NNMT: variants seen among roughly 807,000 people sequenced by gnomAD.
The protein encoded by NNMT is nicotinamide N-methyltransferase.
A neutral mutation model predicts 11.7 loss-of-function variants in NNMT; 10 were observed. That is an observed-to-expected ratio of 0.85 (90% CI 0.53 to 1.45). NNMT has a LOEUF of 1.45. Among genes scored for constraint, NNMT ranks in the 40% most tolerant of loss-of-function variants. The pLI is 0.00. For synonymous variants in NNMT, 143 were observed against 133.8 expected (o/e 1.07, Z -0.48); for missense variants, 381 against 319.4 (o/e 1.19, Z -1.47).
At chr11:114,289,001 A>G (rs187847762) in intron 2 of NNMT, among the ~76,000 whole-genome samples, 1 of 152,262 alleles carries the variant, frequency 6.6e-6, no homozygotes, top group East Asian at 1.9e-4. Context: ...GATTAGAATT[A>G]TTGATTACTT....
intron 1 of NNMT, among the ~76,000 whole-genome samples, chr11:114,259,123 T>A (rs940162089): frequency 6.6e-6 from 1 of 152,238 alleles, no homozygotes; most frequent in Non-Finnish European, 1.5e-5. Context: ...TATCTTTGTG[T>A]TTCCAGAGCT....
chr11:114,287,400 C>T (rs1435350229), intron 2 of NNMT, among the ~76,000 whole-genome samples: 3 of 152,052 alleles, frequency 2.0e-5, no homozygotes, highest in Non-Finnish European at 1.5e-5. Flanking sequence ...TTTTAATCTG[C>T]CTGAATTGTT....
intron 2 of NNMT, among the ~76,000 whole-genome samples, chr11:114,301,199 G>A (rs1362105526): frequency 6.6e-6 from 1 of 152,154 alleles, no homozygotes; most frequent in Non-Finnish European, 1.5e-5. Context: ...ACTATTCCTT[G>A]CAAAACTATT....
chr11:114,285,667 G>T (rs1230199086), intron 2 of NNMT, among the ~76,000 whole-genome samples: 1 of 152,166 alleles, frequency 6.6e-6, no homozygotes, highest in Non-Finnish European at 1.5e-5. Context: ...GCTTAATTTG[G>T]CTCTGCCTTG....
At chr11:114,293,773 C>G (rs1334704822), upstream of NNMT, among the ~76,000 whole-genome samples, 1 of 151,978 alleles carries the variant, frequency 6.6e-6, no homozygotes, top group Non-Finnish European at 1.5e-5. Context: ...ACACAGCAAT[C>G]CTATTGCCAG....
At chr11:114,275,712 T>A (rs1945208635) in intron 2 of NNMT, among the ~76,000 whole-genome samples, 1 of 152,078 alleles carries the variant, frequency 6.6e-6, no homozygotes, top group African/African-American at 2.4e-5. Flanking sequence ...GGGTTTAGGG[T>A]TAGGGTTAGA....
upstream of NNMT, among the ~76,000 whole-genome samples, chr11:114,294,654 C>T (rs1056829370): frequency 4.0e-5 from 6 of 151,750 alleles, no homozygotes; most frequent in African/African-American, 9.7e-5. Context: ...CCCCATTTAC[C>T]CTGATGTGAT....
intron 2 of NNMT, among the ~76,000 whole-genome samples, chr11:114,307,819 G>A (rs2604279): frequency 0.76 from 114,501 of 151,348 alleles, 44,192 homozygotes; most frequent in South Asian, 0.87. Context: ...TAACTCCTAC[G>A]TATTTATCCT....
intron 2 of NNMT, among the ~76,000 whole-genome samples, chr11:114,284,492 G>A (rs1945282262): frequency 6.6e-6 from 1 of 152,130 alleles, no homozygotes; most frequent in Non-Finnish European, 1.5e-5. Flanking sequence ...TTTTTCTTGA[G>A]ATGGAGTCTT....
intron 1 of NNMT, among the ~76,000 whole-genome samples, chr11:114,258,230 G>T (rs933086793): frequency 1.3e-5 from 2 of 152,220 alleles, no homozygotes; most frequent in African/African-American, 4.8e-5. Context: ...GCTGCAGGGT[G>T]TTCTCCAGGG....
At chr11:114,262,880 A>G (rs1945094398) in exon 2 of NNMT, 1 of 152,224 alleles carries the variant, frequency 6.6e-6, no homozygotes, top group Admixed American at 6.5e-5. Flanking sequence ...GCTTCTAGTG[A>G]CACGAGCTGG....
chr11:114,299,680 A>G (rs1189440945), intron 2 of NNMT, among the ~76,000 whole-genome samples: 1 of 152,204 alleles, frequency 6.6e-6, no homozygotes, highest in Admixed American at 6.5e-5. Context: ...CTTTATTAAA[A>G]ACAGTATTTC....
intron 2 of NNMT, among the ~76,000 whole-genome samples, chr11:114,286,216 AT>A (rs1225259908): frequency 6.6e-6 from 1 of 152,196 alleles, no homozygotes; most frequent in East Asian, 1.9e-4. Context: ...TGATCTCTAA[AT>A]TTGTGCTTGT....
At chr11:114,279,953 G>A (rs879636631) in intron 2 of NNMT, among the ~76,000 whole-genome samples, 2 of 152,148 alleles carry the variant, frequency 1.3e-5, no homozygotes, top group African/African-American at 4.8e-5. Context: ...TGAGATGAAG[G>A]TGGTGGTGGA....
chr11:114,311,941 G>C lies in NNMT; in HGVS notation c.363-104G>C, dbSNP rs1322488177. 5 of 1,240,404 alleles carry C rather than the reference G, an allele frequency of 4.0e-6. No individual in the cohort carries two copies. The African/African-American group carries it at 7.6e-5, about 19-fold the overall frequency. The allele number at this position is 1,240,404 out of a possible 1,614,324, so 76.8% of individuals were successfully genotyped here. ...CTTTCCCGATAGAGGTGGCCCTAAG[G>C]ACACACATCTGGGACAATACGGCCA... On this transcript the variant is annotated intron_variant, in intron 2 of 2. Coordinates refer to ENST00000299964, the MANE Select transcript of NNMT (RefSeq NM_006169.3).
chr11:114,311,911 C>G, intron 2 of NNMT, 134 bp from the exon 3 acceptor site: 1 of 840,860 alleles, frequency 1.2e-6, no homozygotes, highest in Admixed American at 2.9e-5. Flanking sequence ...GTTCTTCTTT[C>G]TCTCCTTTCC....
chr11:114,266,008 C>T (rs560190002), intron 2 of NNMT, among the ~76,000 whole-genome samples: 1 of 152,124 alleles, frequency 6.6e-6, no homozygotes, highest in Non-Finnish European at 1.5e-5. Flanking sequence ...GCCTTTAATG[C>T]TTGAAGCCTT....
intron 2 of NNMT, among the ~76,000 whole-genome samples, chr11:114,311,495 G>T (rs1217185705): frequency 6.6e-6 from 1 of 152,196 alleles, no homozygotes; most frequent in South Asian, 2.1e-4. Context: ...CTCTCCAGGA[G>T]TGCCCTGTTC....
At chr11:114,293,935 A>G (rs1462420435), upstream of NNMT, among the ~76,000 whole-genome samples, 1 of 152,196 alleles carries the variant, frequency 6.6e-6, no homozygotes, top group Non-Finnish European at 1.5e-5. Flanking sequence ...AATACACATA[A>G]TGGAGTACTA....
Sources: allele counts gnomAD v4.1 joint callset (sites outside exome capture counted in the v4.1 genomes callset), GRCh38; gene constraint gnomAD v4.1.1; transcripts MANE v1.5; gene names NCBI Gene and HGNC (gene_info 2026-07-23, HGNC 2026-07-21).